Variants in CNTNAP2 observed in about 807,000 individuals in gnomAD.
CNTNAP2 encodes contactin associated protein 2, also known as contactin-associated protein-like 2.
Under a neutral mutation model 155.2 loss-of-function variants are expected in CNTNAP2, and 98 were observed. The observed-to-expected ratio is 0.63, with a 90% CI of 0.54 to 0.75. The LOEUF (loss-of-function observed/expected upper bound fraction) is 0.75. Among genes scored for constraint, CNTNAP2 ranks in the 30% least tolerant of loss-of-function variants. The probability of loss-of-function intolerance (pLI) is 0.00; values close to 1 mark genes in which losing one functional copy is unlikely to be tolerated. For missense variants in CNTNAP2, 1,727 were observed against 1,688.1 expected, an observed-to-expected ratio of 1.02 and a Z score of -0.40; for synonymous variants, 651 against 631.2, an observed-to-expected ratio of 1.03 and a Z score of -0.47.
chr7:146,633,853 A>C (rs1456241570), intron 1 of CNTNAP2, among the ~76,000 whole-genome samples: 1 of 136,194 alleles, frequency 7.3e-6, no homozygotes, highest in Non-Finnish European at 1.6e-5. Context: ...AAAAAAAAAA[A>C]AAACAGAAAC....
At chr7:147,564,945 C>A (rs1233483970) in intron 12 of CNTNAP2, among the ~76,000 whole-genome samples, 1 of 152,166 alleles carries the variant, frequency 6.6e-6, no homozygotes, top group Non-Finnish European at 1.5e-5. Flanking sequence ...TTCTTTGCCA[C>A]TAACCAACCC....
At chr7:146,974,973 AAAAAC>A (rs775428641) in intron 3 of CNTNAP2, among the ~76,000 whole-genome samples, 2 of 152,190 alleles carry the variant, frequency 1.3e-5, no homozygotes, top group Non-Finnish European at 2.9e-5. Flanking sequence ...CTCTATCTAA[AAAAAC>A]AAAACAAAGC....
chr7:148,129,309 A>G (rs566890169), intron 16 of CNTNAP2, among the ~76,000 whole-genome samples: 2 of 152,342 alleles, frequency 1.3e-5, no homozygotes, highest in East Asian at 1.9e-4. Flanking sequence ...CATTGTACAT[A>G]CATGACGGTA....
chr7:146,803,050 A>G (rs1802908249), intron 2 of CNTNAP2, among the ~76,000 whole-genome samples: 1 of 152,216 alleles, frequency 6.6e-6, no homozygotes, highest in Admixed American at 6.5e-5. Flanking sequence ...AATAAGTCTT[A>G]GTGAAAAGAT....
intron 1 of CNTNAP2, among the ~76,000 whole-genome samples, chr7:146,267,947 TAAC>T (rs1393648504): frequency 6.6e-6 from 1 of 152,148 alleles, no homozygotes; most frequent in African/African-American, 2.4e-5. Context: ...GATCTAGGTA[TAAC>T]AACATGAGAA....
rs1799724130 is a variant in CNTNAP2, at chr7:147,063,572, CAAGAAAGTA to C, written c.550+19524_550+19532del. On this transcript the variant is annotated intron_variant, in intron 4 of 23. Transcript: ENST00000361727. ...GAACTATGAAGGAGCATATTGGGCC[CAAGAAAGTA>C]AAGAATGTCTACACTTAAGCTATTT... Among the ~76,000 whole-genome samples the C allele has an allele frequency of 2.0e-5, 3 of 151,744 alleles. No homozygotes were observed. The South Asian group carries it at 6.3e-4, about 32-fold the overall frequency.
chr7:146,620,955 T>G (rs1188376722), intron 1 of CNTNAP2, among the ~76,000 whole-genome samples: 1 of 152,210 alleles, frequency 6.6e-6, no homozygotes, highest in Non-Finnish European at 1.5e-5. Flanking sequence ...ATAAAATTTG[T>G]AATATTTATC....
chr7:147,831,608 C>G (rs1042171617), intron 13 of CNTNAP2, among the ~76,000 whole-genome samples: 1 of 152,080 alleles, frequency 6.6e-6, no homozygotes, highest in Non-Finnish European at 1.5e-5. Context: ...ATTCCTAGGA[C>G]CTACTTGTTT....
At chr7:147,207,360 A>C (rs969286991) in intron 8 of CNTNAP2, among the ~76,000 whole-genome samples, 2 of 152,206 alleles carry the variant, frequency 1.3e-5, no homozygotes, top group African/African-American at 4.8e-5. Flanking sequence ...TGCAGTCATT[A>C]AATATCCTAT....
intron 19 of CNTNAP2, among the ~76,000 whole-genome samples, chr7:148,218,579 G>A (rs1795686223): frequency 6.6e-6 from 1 of 152,020 alleles, no homozygotes; most frequent in Admixed American, 6.6e-5. Context: ...TATTTGTAGA[G>A]TTGGGGGTCT....
intron 9 of CNTNAP2, among the ~76,000 whole-genome samples, chr7:147,336,709 C>T (rs750759725): frequency 6.6e-6 from 1 of 152,068 alleles, no homozygotes; most frequent in Non-Finnish European, 1.5e-5. Flanking sequence ...ATATCTAGTT[C>T]AGTCCTCTTT....
At chr7:146,692,352 A>G (rs1200879111) in intron 1 of CNTNAP2, among the ~76,000 whole-genome samples, 1 of 152,160 alleles carries the variant, frequency 6.6e-6, no homozygotes, top group African/African-American at 2.4e-5. Flanking sequence ...GTAAAGGCCA[A>G]CTTTTTAAAA....
chr7:148,318,907 A>G (rs1417637044), intron 21 of CNTNAP2, among the ~76,000 whole-genome samples: 1 of 152,212 alleles, frequency 6.6e-6, no homozygotes, highest in Non-Finnish European at 1.5e-5. Context: ...CTGCTCTCCT[A>G]TTAACTCAGC....
chr7:147,689,703 A>C (rs1796062309), intron 13 of CNTNAP2, among the ~76,000 whole-genome samples: 1 of 152,162 alleles, frequency 6.6e-6, no homozygotes, highest in South Asian at 2.1e-4. Context: ...TGAAGGTATG[A>C]TACAGATAAA....
intron 13 of CNTNAP2, among the ~76,000 whole-genome samples, chr7:147,706,651 C>G (rs1796321615): frequency 6.6e-6 from 1 of 152,092 alleles, no homozygotes; most frequent in South Asian, 2.1e-4. Context: ...TCTAAGCTTC[C>G]TGTATCTGGA....
intron 17 of CNTNAP2, among the ~76,000 whole-genome samples, chr7:148,170,731 G>A (rs1177591661): frequency 1.3e-5 from 2 of 152,178 alleles, no homozygotes; most frequent in Non-Finnish European, 2.9e-5. Context: ...CACTGATGGG[G>A]TTTTGCAGGC....
intron 14 of CNTNAP2, among the ~76,000 whole-genome samples, chr7:147,968,535 G>C (rs932081637): frequency 1.3e-5 from 2 of 152,198 alleles, no homozygotes; most frequent in African/African-American, 4.8e-5. Flanking sequence ...CAAGGCAAGA[G>C]TGAGGAGGGG....
intron 2 of CNTNAP2, among the ~76,000 whole-genome samples, chr7:146,816,472 G>A (rs369842634): frequency 5.3e-5 from 8 of 151,262 alleles, no homozygotes; most frequent in African/African-American, 9.9e-5. Flanking sequence ...TGCCCATGCC[G>A]GGAACAGTTG....
chr7:147,459,579 T>C (rs997224766), intron 10 of CNTNAP2, among the ~76,000 whole-genome samples: 1 of 152,086 alleles, frequency 6.6e-6, no homozygotes, highest in Non-Finnish European at 1.5e-5. Flanking sequence ...ATGAAAAGAC[T>C]ACCAGGACCA....
Sources: gnomAD v4.1 joint callset for allele counts (sites outside exome capture counted in the v4.1 genomes callset) on GRCh38, gnomAD v4.1.1 for gene constraint, MANE v1.5 for transcripts, NCBI Gene and HGNC (gene_info 2026-07-23, HGNC 2026-07-21) for gene names.